The following LRP2BP variants were observed in gnomAD, a reference collection of about 807,000 sequenced individuals.
LRP2BP encodes the protein LRP2-binding protein.
Under a neutral mutation model 45.2 loss-of-function variants are expected in LRP2BP, and 38 were observed. The observed-to-expected ratio is 0.84, with a 90% CI of 0.65 to 1.10. LRP2BP has a LOEUF of 1.10. Among genes scored for constraint, LRP2BP ranks in the 50% least tolerant of loss-of-function variants. LRP2BP has a pLI of 0.00. For synonymous variants in LRP2BP, 153 were observed against 153.9 expected (o/e 0.99, Z 0.04); for missense variants, 385 against 418.9 (o/e 0.92, Z 0.71).
chr4:185,395,104 A>G lies in LRP2BP; in HGVS notation c.-347T>C. 1.0e-6 allele frequency: 1 copy of G among 985,346 alleles called. No individual in the cohort carries two copies. Among genetic ancestry groups the G allele is most frequent in the Non-Finnish European group, 1.2e-6 (1 of 829,924 alleles). The allele number at this position is 985,346 out of a possible 1,614,324, so 61.0% of individuals were successfully genotyped here. On this transcript the variant is annotated 5_prime_UTR_variant, in exon 1 of 9. Transcript: ENST00000505916. ...CTGAGATACAACTTTTTTTTCTGAAAACAATGTGAGCAATGGACAGGTACG... is the reference window on the plus strand; with the variant it reads ...CTGAGATACAACTTTTTTTTCTGAAGACAATGTGAGCAATGGACAGGTACG...
At chr4:185,373,779 T>C (rs1471578543) in intron 6 of LRP2BP, among the ~76,000 whole-genome samples, 1 of 152,232 alleles carries the variant, frequency 6.6e-6, no homozygotes, top group Non-Finnish European at 1.5e-5. Context: ...ATTTTATTTG[T>C]AACTAATTCT....
At chr4:185,382,286 T>C (rs2095457985) in intron 1 of LRP2BP, among the ~76,000 whole-genome samples, 2 of 152,238 alleles carry the variant, frequency 1.3e-5, no homozygotes, top group South Asian at 4.1e-4. Flanking sequence ...ACTTGGATTG[T>C]TTCCAGCTTT....
At chr4:185,385,906 G>GGA (rs977309953) in intron 1 of LRP2BP, among the ~76,000 whole-genome samples, 2 of 21,750 alleles carry the variant, frequency 9.2e-5, no homozygotes, top group African/African-American at 1.7e-4. Context: ...GTCTCGGGGA[G>GGA]GGGGGGGGGG....
In LRP2BP at chr4:185,372,887, A is replaced by C; in HGVS notation, c.772T>G (p.Phe258Val). 1 of 1,609,356 alleles carries C rather than the reference A, an allele frequency of 6.2e-7. No homozygotes were observed. Among genetic ancestry groups the C allele is most frequent in the East Asian group, 2.2e-5 (1 of 44,670 alleles). ...NLVEYYYKMK[F>V]FTKCVAFSKR... ...GAAAATGCAACACACTTTGTAAAAA[A>C]TTTCATCTTATAGTAATACTCCACG... The change falls in exon 7 of 9, where the codon TTT becomes GTT. Residue 258 changes from phenylalanine to valine, a missense_variant. Physicochemically the swap from Phe to Val is conservative, Grantham distance 50. Transcript: ENST00000505916.
Position 185,367,194 on chromosome 4 carries a change from G to T in LRP2BP, c.1030C>A (p.Arg344Ser). ...TACATTGTGGTCTAAATTCTTTGAC[G>T]AATAAGTAAGGAGTGAAGTTCATCT... ...LADELHSLLI[R>S]QRI Residue 344 changes from arginine to serine, a missense_variant, in exon 9 of 9, where the codon CGT (arginine) becomes AGT (serine). Coordinates refer to ENST00000505916, the MANE Select transcript of LRP2BP (RefSeq NM_001377440.1). 6.2e-7 allele frequency: 1 copy of T among 1,612,360 alleles called. No individual in the cohort carries two copies. Among genetic ancestry groups the T allele is most frequent in the South Asian group, 1.1e-5 (1 of 90,796 alleles).
chr4:185,374,925 C>T (rs2095428135), intron 4 of LRP2BP, among the ~76,000 whole-genome samples: 1 of 152,076 alleles, frequency 6.6e-6, no homozygotes, highest in Non-Finnish European at 1.5e-5. Flanking sequence ...ACTGTGTGCT[C>T]ATAGTTTGTA....
At chr4:185,377,045 A>G (rs762683959) in intron 2 of LRP2BP, 27 bp from the exon 3 acceptor site, 11 of 1,423,340 alleles carry the variant, frequency 7.7e-6, no homozygotes, top group East Asian at 2.3e-5. Context: ...AAGGAATTCC[A>G]TCAACCACAC....
chr4:185,378,308 TTC>T, intron 1 of LRP2BP, 101 bp from the exon 2 acceptor site: 1 of 1,491,546 alleles, frequency 6.7e-7, no homozygotes, highest in African/African-American at 1.4e-5. Context: ...AAAAGCATCC[TTC>T]TCTCATCGCC....
intron 8 of LRP2BP, among the ~76,000 whole-genome samples, chr4:185,368,854 C>T (rs1005692801): frequency 6.8e-6 from 1 of 147,750 alleles, no homozygotes; most frequent in African/African-American, 2.5e-5. Context: ...AGTGCAGCGG[C>T]ACAGCCTCGG....
At chr4:185,371,006 G>A in intron 7 of LRP2BP, 192 bp from the exon 8 acceptor site, 1 of 548,746 alleles carries the variant, frequency 1.8e-6, no homozygotes, top group Non-Finnish European at 3.2e-6. Context: ...TCCCAGAGTG[G>A]TGACTTCACA....
At chr4:185,377,985 CAAT>C in intron 2 of LRP2BP, 93 bp downstream of exon 2, 3 of 1,023,328 alleles carry the variant, frequency 2.9e-6, no homozygotes, top group Non-Finnish European at 2.9e-6. Context: ...TCCTTGAAAT[CAAT>C]AAAACACATT....
chr4:185,393,020 G>A (rs982139924), intron 1 of LRP2BP, among the ~76,000 whole-genome samples: 11 of 152,298 alleles, frequency 7.2e-5, no homozygotes, highest in Admixed American at 4.6e-4. Flanking sequence ...TGCAACCTCT[G>A]CTTCCTGGGT....
At chr4:185,383,861 C>T (rs931627228) in intron 1 of LRP2BP, among the ~76,000 whole-genome samples, 5 of 152,226 alleles carry the variant, frequency 3.3e-5, no homozygotes, top group Admixed American at 6.5e-5. Context: ...CTACTGGAGA[C>T]AGGCAGGTGC....
At chr4:185,374,103 T>C (rs1471419585) in intron 6 of LRP2BP, 32 bp downstream of exon 6, 1 of 1,547,246 alleles carries the variant, frequency 6.5e-7, no homozygotes, top group East Asian at 2.2e-5. Flanking sequence ...AATCTAAATA[T>C]AACACTAGCA....
chr4:185,377,828 C>T (rs1427087445), intron 2 of LRP2BP: 2 of 364,052 alleles, frequency 5.5e-6, no homozygotes, highest in Non-Finnish European at 9.8e-6. Context: ...CATCTGCTTT[C>T]TGTTTTCTAG....
chr4:185,380,367 G>A (rs1025710204), intron 1 of LRP2BP, among the ~76,000 whole-genome samples: 3 of 152,130 alleles, frequency 2.0e-5, no homozygotes, highest in Non-Finnish European at 4.4e-5. Flanking sequence ...GAGCCTAGAA[G>A]TCCAAAATCA....
chr4:185,386,008 C>T (rs1311378833), intron 1 of LRP2BP, among the ~76,000 whole-genome samples: 1 of 151,828 alleles, frequency 6.6e-6, no homozygotes, highest in African/African-American at 2.4e-5. Context: ...AGGGAAGATA[C>T]AGATTTCAAT....
chr4:185,396,455 G>A (rs975772544), upstream of LRP2BP: 1 of 159,048 alleles, frequency 6.3e-6, no homozygotes. Flanking sequence ...GCACTACCGG[G>A]AGACGTGTCA....
chr4:185,393,156 C>T (rs2095492741), intron 1 of LRP2BP, among the ~76,000 whole-genome samples: 1 of 92,964 alleles, frequency 1.1e-5, no homozygotes, highest in African/African-American at 2.6e-5. Context: ...ATCTCGAACT[C>T]CTGGCCACAA....
Sources: allele counts gnomAD v4.1 joint callset (sites outside exome capture counted in the v4.1 genomes callset), GRCh38; gene constraint gnomAD v4.1.1; transcripts MANE v1.5; gene names NCBI Gene and HGNC (gene_info 2026-07-23, HGNC 2026-07-21).